The following ACAD11 variants were observed in gnomAD, a reference collection of about 807,000 sequenced individuals.
ACAD11 encodes acyl-Coenzyme A dehydrogenase family, member 11.
In ACAD11, 83 loss-of-function variants were observed where a neutral mutation model predicts 102.2. The ratio of observed to expected loss-of-function variants is 0.81; its 90% CI spans 0.68 to 0.97. The LOEUF (loss-of-function observed/expected upper bound fraction) is 0.97, where lower values mean the gene tolerates loss of function less well. ACAD11 is among the 50% of genes least tolerant of loss of function. The pLI is 0.00. For synonymous variants in ACAD11, 324 were observed against 319.8 expected (o/e 1.01, Z -0.14); for missense variants, 901 against 951.7 (o/e 0.95, Z 0.70).
chr3:132,606,240 A>C (rs999440586), intron 11 of ACAD11, among the ~76,000 whole-genome samples: 8 of 152,182 alleles, frequency 5.3e-5, no homozygotes, highest in Admixed American at 3.9e-4. Flanking sequence ...AGATGTCTGC[A>C]CTCTGTTCAG....
At chr3:132,559,140 A>G in intron 19 of ACAD11, 55 bp from the exon 20 acceptor site, 1 of 1,179,614 alleles carries the variant, frequency 8.5e-7, no homozygotes, top group Admixed American at 1.8e-5. Context: ...GGAACATGAT[A>G]CTTTGACATC....
intron 5 of ACAD11, among the ~76,000 whole-genome samples, chr3:132,635,597 T>C (rs1940242008): frequency 1.3e-5 from 2 of 152,186 alleles, no homozygotes; most frequent in South Asian, 2.1e-4. Context: ...TCCTCAATTT[T>C]CTCAGCCATA....
chr3:132,562,430 G>A (rs985145891), intron 17 of ACAD11, among the ~76,000 whole-genome samples: 15 of 152,304 alleles, frequency 9.8e-5, no homozygotes, highest in South Asian at 6.2e-4. Flanking sequence ...ATTTGTATAC[G>A]GGTTTTTGTG....
At chr3:132,634,895 G>C (rs13077178) in intron 5 of ACAD11, among the ~76,000 whole-genome samples, 10 of 141,222 alleles carry the variant, frequency 7.1e-5, no homozygotes, top group African/African-American at 2.4e-4. Context: ...TCACACACTG[G>C]GGCCTGTTGT....
intron 11 of ACAD11, among the ~76,000 whole-genome samples, chr3:132,613,420 C>G (rs1279911523): frequency 2.1e-3 from 1 of 474 alleles, no homozygotes; most frequent in Non-Finnish European, 3.9e-3. Context: ...TAAAACAAAA[C>G]AAACAAACAA....
At chr3:132,650,881 A>G (rs1940904895) in intron 1 of ACAD11, among the ~76,000 whole-genome samples, 1 of 152,094 alleles carries the variant, frequency 6.6e-6, no homozygotes, top group Non-Finnish European at 1.5e-5. Context: ...ACTGCATTGT[A>G]ATTCCCATAA....
At chr3:132,608,242 T>C (rs1378247143) in intron 11 of ACAD11, among the ~76,000 whole-genome samples, 1 of 152,094 alleles carries the variant, frequency 6.6e-6, no homozygotes, top group Non-Finnish European at 1.5e-5. Context: ...CCAGCTAGCA[T>C]CATAATGACA....
intron 17 of ACAD11, among the ~76,000 whole-genome samples, chr3:132,562,077 G>A (rs1937075705): frequency 6.6e-6 from 1 of 152,072 alleles, no homozygotes; most frequent in South Asian, 2.1e-4. Context: ...GCCTGTTGAA[G>A]GACATTTCGG....
At position 132,644,830 on chromosome 3, in the gene ACAD11, T is replaced by C. The variant is rs1940656801; in HGVS notation, c.216A>G (p.Lys72=). Residue 72 remains lysine, a synonymous_variant, in exon 2 of 20, where the codon AAA becomes AAG. Transcript: ENST00000264990. ...CTTTAGGAAGAAGTGAACCTGGTGG[T>C]TTTTTCCTGAGCACATATGTTTGAA... ...KGFQTYVLRK[K]PPGSLLPKAH... is the part of the protein sequence containing the mutation. 2 of 1,612,342 alleles carry C rather than the reference T, an allele frequency of 1.2e-6. No homozygotes were observed. Among genetic ancestry groups the C allele is most frequent in the African/African-American group, 2.7e-5 (2 of 74,788 alleles).
chr3:132,643,191 T>G (rs1159560215), intron 2 of ACAD11, among the ~76,000 whole-genome samples: 1 of 145,758 alleles, frequency 6.9e-6, no homozygotes, highest in Non-Finnish European at 1.5e-5. Flanking sequence ...CTCAGGTAAG[T>G]CTCTATTCTA....
At chr3:132,651,966 A>G (rs1410174466) in intron 1 of ACAD11, among the ~76,000 whole-genome samples, 2 of 152,184 alleles carry the variant, frequency 1.3e-5, no homozygotes, top group Admixed American at 6.5e-5. Flanking sequence ...TTTTGAGTTA[A>G]TGCTGAAATA....
chr3:132,620,531 A>T (rs926562588), intron 9 of ACAD11: 2 of 152,266 alleles, frequency 1.3e-5, no homozygotes, highest in African/African-American at 4.8e-5. Context: ...AGTTAGCAAA[A>T]ACAATCATTC....
At chr3:132,578,993 G>C in intron 14 of ACAD11, 112 bp from the exon 15 acceptor site, 2 of 1,539,598 alleles carry the variant, frequency 1.3e-6, no homozygotes, top group South Asian at 1.2e-5. Flanking sequence ...CATGTAAGCA[G>C]TGATGACTGG....
intron 1 of ACAD11, among the ~76,000 whole-genome samples, chr3:132,657,493 G>C (rs1937870223): frequency 1.3e-5 from 2 of 152,130 alleles, no homozygotes; most frequent in Admixed American, 1.3e-4. Flanking sequence ...GATTGTCATT[G>C]CTTTGAATCA....
intron 19 of ACAD11, among the ~76,000 whole-genome samples, chr3:132,559,542 T>C (rs1322965054): frequency 6.6e-6 from 1 of 152,058 alleles, no homozygotes. Flanking sequence ...ATATATTAGA[T>C]AGTCACTGAC....
intron 5 of ACAD11, among the ~76,000 whole-genome samples, chr3:132,632,504 G>C (rs1416570835): frequency 6.6e-6 from 1 of 152,158 alleles, no homozygotes; most frequent in Non-Finnish European, 1.5e-5. Context: ...TTTGAAGTCA[G>C]GTAGCATGAT....
rs963755417 is a variant in ACAD11, at chr3:132,579,105, C to T, written c.1689-224G>A. Reference sequence around the variant, plus strand: ...AAATAAATGAGTTGTTTGATTGAAGCTTCTCACTGCTCAACAATGGTAACT... The same window carrying T: ...AAATAAATGAGTTGTTTGATTGAAGTTTCTCACTGCTCAACAATGGTAACT... On this transcript the variant is annotated intron_variant, in intron 14 of 19. Coordinates refer to ENST00000264990, the MANE Select transcript of ACAD11 (RefSeq NM_032169.5). The T allele has an allele frequency of 9.8e-6, 14 of 1,430,282 alleles. 1 individual carries two copies. The South Asian group carries it at 1.7e-4, about 18-fold the overall frequency. The allele number at this position is 1,430,282 out of a possible 1,614,324, so 88.6% of individuals were successfully genotyped here.
At chr3:132,575,957 G>A in intron 16 of ACAD11, 31 bp from the exon 17 acceptor site, 2 of 1,611,966 alleles carry the variant, frequency 1.2e-6, no homozygotes, top group Non-Finnish European at 1.7e-6. Context: ...AAGGGGGAAT[G>A]TGAAAATGGC....
chr3:132,642,046 G>A lies in ACAD11; in HGVS notation c.463C>T (p.Gln155Ter). ...GACTGTATATTCAAGGAATGTAACTGAGCCAATGTTTCTACCGTGGCCACA... is the reference window on the plus strand; with the variant it reads ...GACTGTATATTCAAGGAATGTAACTAAGCCAATGTTTCTACCGTGGCCACA... ...IYVATVETLA[Q>*]LHSLNIQSLQ... The change falls in exon 4 of 20, where the codon CAG becomes TAG. Residue 155 changes from glutamine (Q) to a stop codon, truncating the protein, a stop_gained. Transcript: ENST00000264990. LOFTEE classifies it high-confidence loss of function. The A allele has an allele frequency of 5.0e-6, 8 of 1,614,064 alleles. No homozygotes were observed. The highest frequency in any genetic ancestry group is 6.8e-6 in the Non-Finnish European group (8 of 1,179,970).
Sources: gnomAD v4.1 joint callset for allele counts (sites outside exome capture counted in the v4.1 genomes callset) on GRCh38, gnomAD v4.1.1 for gene constraint, MANE v1.5 for transcripts, NCBI Gene and HGNC (gene_info 2026-07-23, HGNC 2026-07-21) for gene names.